The following DNAJC17 variants were observed in gnomAD, a reference collection of about 807,000 sequenced individuals.
The protein encoded by DNAJC17 is dnaJ homolog subfamily C member 17.
DNAJC17 carries 35 observed loss-of-function variants against 48.1 expected under a neutral mutation model. The observed-to-expected ratio is 0.73, with a 90% CI of 0.56 to 0.96. DNAJC17 has a LOEUF of 0.96. Among genes scored for constraint, DNAJC17 ranks in the 50% least tolerant of loss-of-function variants. The probability of loss-of-function intolerance (pLI) is 0.00; values close to 1 mark genes in which losing one functional copy is unlikely to be tolerated. For missense variants in DNAJC17, 355 were observed against 377.1 expected, an observed-to-expected ratio of 0.94 and a Z score of 0.48; for synonymous variants, 117 against 142.7, an observed-to-expected ratio of 0.82 and a Z score of 1.28.
intron 7 of DNAJC17, 127 bp from the exon 8 acceptor site, chr15:40,775,235 G>T (rs1479695864): frequency 9.6e-7 from 1 of 1,042,690 alleles, no homozygotes; most frequent in Non-Finnish European, 1.4e-6. Flanking sequence ...AATCTGGGGA[G>T]TGCCACCAGA....
At chr15:40,776,671 T>C (rs776973519) in intron 4 of DNAJC17, 44 bp from the exon 5 acceptor site, 4 of 1,606,158 alleles carry the variant, frequency 2.5e-6, no homozygotes, top group Admixed American at 3.3e-5. Flanking sequence ...TCTGTTCAGT[T>C]TCCATGTGGC....
rs1429784039 is a variant in DNAJC17 at position 40,769,334 on chromosome 15, C to T, written c.793-1272G>A. Reference sequence around the variant, plus strand: ...CAGCCAGGTAGGAGGCAACACGGCCCGGCCTTCAGCAGCCGCTCTCCTGGC... The same window carrying T: ...CAGCCAGGTAGGAGGCAACACGGCCTGGCCTTCAGCAGCCGCTCTCCTGGC... On this transcript the variant is annotated intron_variant, in intron 10 of 10. Coordinates refer to ENST00000220496, the MANE Select transcript of DNAJC17 (RefSeq NM_018163.3). The surrounding 1 kb of genome is among the most constrained non-coding windows in gnomAD (Gnocchi z 4.2). 3.9e-5 allele frequency among the ~76,000 whole-genome samples: 6 copies of T among 152,182 alleles called. No individual in the cohort carries two copies. The highest frequency in any genetic ancestry group is 1.4e-4 in the African/African-American group (6 of 41,444).
At chr15:40,773,064 G>A (rs995433200) in intron 10 of DNAJC17, among the ~76,000 whole-genome samples, 14 of 151,482 alleles carry the variant, frequency 9.2e-5, no homozygotes, top group East Asian at 5.9e-4. Context: ...TGGTTCAAGC[G>A]ATTCTCCTGC....
chr15:40,776,126 GC>G, intron 6 of DNAJC17, 69 bp downstream of exon 6: 1 of 1,472,700 alleles, frequency 6.8e-7, no homozygotes, highest in Non-Finnish European at 9.4e-7. Context: ...CCACCGAACA[GC>G]CAGTGTGGCC....
chr15:40,775,591 C>T lies in DNAJC17; in HGVS notation c.484G>A (p.Ala162Thr), dbSNP rs757198209. Residue 162 changes from alanine (A) to threonine (T), a missense_variant, in exon 7 of 11, where the codon GCA (alanine) becomes ACA (threonine). By Grantham distance (58) the Ala-to-Thr change is moderately conservative. This residue lies in a region of DNAJC17 where 199 missense variants were observed against 199.9 expected (regional missense o/e 1.00). Transcript: ENST00000220496. ...GTTCCTTGGCCTTCAGTATTTTCTG[C>T]CTTTCCTAGAAATATTGGGAAAAGA... ...QERDQRLRGK[A>T]ENTEGQGTPK... The T allele has an allele frequency of 7.4e-6, 12 of 1,614,036 alleles. No homozygotes were observed. Among genetic ancestry groups the T allele is most frequent in the Non-Finnish European group, 9.3e-6 (11 of 1,179,994 alleles).
chr15:40,765,860 T>A lies in DNAJC17; in HGVS notation c.*2080A>T. ...CCCCACTATGGTGGGCGATGAACAG[T>A]CGGATCCAGAGCTGATGCAGCATCT... On this transcript the variant is annotated 3_prime_UTR_variant, in exon 11 of 11. Transcript: ENST00000220496. 6.3e-7 allele frequency: 1 copy of A among 1,585,408 alleles called. No individual in the cohort carries two copies. The highest frequency in any genetic ancestry group is 1.1e-5 in the South Asian group (1 of 87,942).
chr15:40,776,189 C>G lies in DNAJC17; in HGVS notation c.478+7G>C. ...GAGGGGAGATAGGCGGGGTGATAGA[C>G]CTGCACCTCTCAACCTCTGGTCACG... On this transcript the variant is annotated splice_region_variant and intron_variant, in intron 6 of 10. Transcript: ENST00000220496. 1 of 1,612,824 alleles carries G rather than the reference C, an allele frequency of 6.2e-7. No homozygotes were observed. The highest frequency in any genetic ancestry group is 1.1e-5 in the South Asian group (1 of 90,988).
At chr15:40,794,119 A>C (rs1428915823) in intron 1 of DNAJC17, among the ~76,000 whole-genome samples, 1 of 152,188 alleles carries the variant, frequency 6.6e-6, no homozygotes, top group African/African-American at 2.4e-5. Flanking sequence ...TGGGAGGCCG[A>C]GGCGGGCGGA....
chr15:40,807,349 T>C lies in DNAJC17; in HGVS notation c.78+20A>G, dbSNP rs1253864978. On this transcript the variant is annotated intron_variant, in intron 1 of 10. Coordinates refer to ENST00000220496, the MANE Select transcript of DNAJC17 (RefSeq NM_018163.3). ...ACCGCCAGACCTCTCAAGATCAGCC[T>C]TCCTCGCCACCGTTCTCACCTCTTT... The C allele has an allele frequency of 6.2e-7, 1 of 1,614,242 alleles. No individual in the cohort carries two copies. Among genetic ancestry groups the C allele is most frequent in the African/African-American group, 1.3e-5 (1 of 75,066 alleles).
intron 1 of DNAJC17, among the ~76,000 whole-genome samples, chr15:40,798,493 G>A (rs2141962907): frequency 6.6e-6 from 1 of 152,262 alleles, no homozygotes. Flanking sequence ...GGATTAAAAT[G>A]GTAAGCAGTA....
At chr15:40,805,181 G>T (rs573906664) in intron 1 of DNAJC17, among the ~76,000 whole-genome samples, 1 of 150,776 alleles carries the variant, frequency 6.6e-6, no homozygotes, top group East Asian at 2.0e-4. Context: ...TCCAAGACTG[G>T]CCTGGCCAAC....
At chr15:40,780,402 C>T in intron 1 of DNAJC17, 1 of 452,324 alleles carries the variant, frequency 2.2e-6, no homozygotes, top group South Asian at 1.6e-5. Flanking sequence ...TCCCTTTGAC[C>T]CAAGTCCTAG....
chr15:40,776,631 G>C lies in DNAJC17; in HGVS notation c.296-4C>G. 6.2e-7 allele frequency: 1 copy of C among 1,613,780 alleles called. No homozygotes were observed. Among genetic ancestry groups the C allele is most frequent in the Non-Finnish European group, 8.5e-7 (1 of 1,179,972 alleles). On this transcript the variant is annotated splice_region_variant and splice_polypyrimidine_tract_variant and intron_variant, in intron 4 of 10. Transcript: ENST00000220496. ...TGCCGCTCCCGGGCCTCCAGGTCTA[G>C]ACACAAGGGTTGAATGACCAGACTG...
At chr15:40,794,487 C>T (rs1889897043) in intron 1 of DNAJC17, among the ~76,000 whole-genome samples, 1 of 151,676 alleles carries the variant, frequency 6.6e-6, no homozygotes, top group African/African-American at 2.4e-5. Context: ...GTCTGGGCAA[C>T]ATGGTGAGAC....
intron 4 of DNAJC17, among the ~76,000 whole-genome samples, chr15:40,778,211 A>G (rs1889383601): frequency 6.6e-6 from 1 of 151,662 alleles, no homozygotes; most frequent in Non-Finnish European, 1.5e-5. Context: ...AAAAAGAAGA[A>G]GAAGACTCAG....
intron 4 of DNAJC17, among the ~76,000 whole-genome samples, chr15:40,778,205 AG>A (rs1392540166): frequency 6.6e-6 from 1 of 151,142 alleles, no homozygotes; most frequent in Admixed American, 6.6e-5. Flanking sequence ...AAAAAAAAAA[AG>A]AAGAAGAAGA....
At chr15:40,779,825 G>T in intron 2 of DNAJC17, 103 bp downstream of exon 2, 2 of 1,353,602 alleles carry the variant, frequency 1.5e-6, no homozygotes, top group Non-Finnish European at 2.1e-6. Flanking sequence ...GCCAGGCAAT[G>T]TGTGCTTACA....
chr15:40,793,206 C>T (rs558588564), intron 1 of DNAJC17, among the ~76,000 whole-genome samples: 10 of 152,214 alleles, frequency 6.6e-5, no homozygotes, highest in African/African-American at 2.2e-4. Context: ...AAGATCCCTT[C>T]TAACTGCTGC....
chr15:40,774,606 A>G (rs751924842), intron 8 of DNAJC17, among the ~76,000 whole-genome samples, 170 bp from the exon 9 acceptor site: 8 of 152,276 alleles, frequency 5.3e-5, no homozygotes, highest in Non-Finnish European at 1.0e-4. Context: ...ATAGGAAAGA[A>G]AGAAATTTTT....
Sources: allele counts gnomAD v4.1 joint callset (sites outside exome capture counted in the v4.1 genomes callset), GRCh38; gene constraint gnomAD v4.1.1; regional missense constraint gnomAD v4.1.1; non-coding constraint Gnocchi (gnomAD v3.1); transcripts MANE v1.5; gene names NCBI Gene and HGNC (gene_info 2026-07-23, HGNC 2026-07-21).